The following ETV6 variants were observed in gnomAD, a reference collection of about 807,000 sequenced individuals.
ETV6 encodes ETS variant transcription factor 6.
ETV6 carries 16 observed loss-of-function variants against 51.1 expected under a neutral mutation model. The ratio of observed to expected loss-of-function variants is 0.31; its 90% confidence interval spans 0.21 to 0.48. The LOEUF (loss-of-function observed/expected upper bound fraction) is 0.48. Among genes scored for constraint, ETV6 ranks in the 20% least tolerant of loss-of-function variants. The pLI is 0.99. For synonymous variants in ETV6, 240 were observed against 224.1 expected, an observed-to-expected ratio of 1.07 and a Z score of -0.64; for missense variants, 458 against 594.8, an observed-to-expected ratio of 0.77 and a Z score of 2.39.
At chr12:11,768,996 T>G (rs374274147) in intron 2 of ETV6, 4 of 468,806 alleles carry the variant, frequency 8.5e-6, no homozygotes, top group African/African-American at 7.9e-5. Context: ...ACCCGTAGGC[T>G]CAGTGCTAGT....
chr12:11,842,188 G>A (rs1591712842), intron 3 of ETV6, among the ~76,000 whole-genome samples: 1 of 151,946 alleles, frequency 6.6e-6, no homozygotes. Context: ...AAACATGGTC[G>A]AACATCACTC....
At chr12:11,790,693 T>A (rs1191873876) in intron 2 of ETV6, among the ~76,000 whole-genome samples, 1 of 151,064 alleles carries the variant, frequency 6.6e-6, no homozygotes, top group Non-Finnish European at 1.5e-5. Context: ...TTTTTTTTTT[T>A]TTTTTTGAGA....
chr12:11,753,830 G>A (rs926452937), intron 2 of ETV6, among the ~76,000 whole-genome samples: 21 of 152,206 alleles, frequency 1.4e-4, no homozygotes, highest in African/African-American at 2.2e-4. Flanking sequence ...AGCTTGCTGC[G>A]TCCATCAGTA....
rs192784049 is a variant in ETV6 at position 11,803,147 on chromosome 12, C to T, written c.164-35993C>T. ...CAGTCCCAACTCTCCAAATTTCTGC[C>T]CCAGCTTGGTGCTCTTTGCTTTGTT... On this transcript the variant is annotated intron_variant, in intron 2 of 7. Transcript: ENST00000396373. 2.6e-3 allele frequency among the ~76,000 whole-genome samples: 399 copies of T among 152,258 alleles called. 2 individuals carry two copies. Among genetic ancestry groups the T allele is most frequent in the Admixed American group, 7.7e-3 (118 of 15,302 alleles).
chr12:11,725,404 G>T (rs1865469889), intron 1 of ETV6, among the ~76,000 whole-genome samples: 2 of 152,090 alleles, frequency 1.3e-5, no homozygotes, highest in Non-Finnish European at 2.9e-5. Context: ...AGACCAGGTT[G>T]GAGTTCCCTT....
intron 2 of ETV6, among the ~76,000 whole-genome samples, chr12:11,782,980 G>A (rs1232674683): frequency 6.6e-6 from 1 of 152,166 alleles, no homozygotes; most frequent in Non-Finnish European, 1.5e-5. Context: ...GAAGGGATGT[G>A]TGTTCAGAAG....
intron 3 of ETV6, among the ~76,000 whole-genome samples, chr12:11,841,728 A>G (rs1313601292): frequency 6.6e-6 from 1 of 152,198 alleles, no homozygotes; most frequent in Non-Finnish European, 1.5e-5. Context: ...AGACAAGGTA[A>G]TGGAGCCTGA....
At chr12:11,714,946 A>G (rs1437466289) in intron 1 of ETV6, among the ~76,000 whole-genome samples, 1 of 152,180 alleles carries the variant, frequency 6.6e-6, no homozygotes, top group Non-Finnish European at 1.5e-5. Flanking sequence ...GGTGGATTGG[A>G]GAAGGAAGAC....
At chr12:11,714,509 G>T (rs1488075309) in intron 1 of ETV6, among the ~76,000 whole-genome samples, 1 of 152,148 alleles carries the variant, frequency 6.6e-6, no homozygotes, top group African/African-American at 2.4e-5. Flanking sequence ...AAATAATTCA[G>T]TATGACTTTA....
rs992909692 is a variant in ETV6, at chr12:11,894,635, T to C, written c.*3589T>C. ...TCGCTTTAGCTGAAATTCAAATGGCTGTGACAATTTACCGAAATGATGAAG... is the reference window on the plus strand; with the variant it reads ...TCGCTTTAGCTGAAATTCAAATGGCCGTGACAATTTACCGAAATGATGAAG... On this transcript the variant is annotated 3_prime_UTR_variant, in exon 8 of 8. Transcript: ENST00000396373. 6 of 233,200 alleles carry C rather than the reference T, an allele frequency of 2.6e-5. No homozygotes were observed. The Admixed American group carries it at 3.4e-4, about 13-fold the overall frequency. 14.4% of individuals were successfully genotyped at this position (233,200 alleles called of 1,614,324 possible). A position where few individuals can be genotyped will look rare whatever the true frequency, so the allele number is the denominator to read the frequency against.
chr12:11,756,198 A>G (rs1302916344), intron 2 of ETV6, among the ~76,000 whole-genome samples: 1 of 152,196 alleles, frequency 6.6e-6, no homozygotes, highest in East Asian at 1.9e-4. Context: ...AAGGACTGGC[A>G]AAGAAGCCTG....
chr12:11,711,753 A>G (rs766297938), intron 1 of ETV6, among the ~76,000 whole-genome samples: 56 of 152,204 alleles, frequency 3.7e-4, no homozygotes, highest in Non-Finnish European at 4.4e-4. Flanking sequence ...GGTATAGAGG[A>G]ATATTCGTCT....
At chr12:11,819,969 G>C (rs963696666) in intron 2 of ETV6, among the ~76,000 whole-genome samples, 1 of 152,060 alleles carries the variant, frequency 6.6e-6, no homozygotes, top group Middle Eastern at 3.2e-3. Context: ...GAACTCCTTA[G>C]TACAGCAGAC....
At chr12:11,853,032 C>G (rs1215674203) in intron 3 of ETV6, among the ~76,000 whole-genome samples, 3 of 152,062 alleles carry the variant, frequency 2.0e-5, no homozygotes, top group African/African-American at 7.3e-5. Flanking sequence ...ACTGAAAATA[C>G]AAAAATCAGC....
chr12:11,656,259 G>C (rs1232915761), intron 1 of ETV6, among the ~76,000 whole-genome samples: 1 of 152,236 alleles, frequency 6.6e-6, no homozygotes, highest in Non-Finnish European at 1.5e-5. Context: ...CTCGCAGGCT[G>C]TAAGTGGCAA....
At chr12:11,758,309 C>CA (rs1945035481) in intron 2 of ETV6, among the ~76,000 whole-genome samples, 1 of 152,174 alleles carries the variant, frequency 6.6e-6, no homozygotes, top group Non-Finnish European at 1.5e-5. Context: ...GCCTGGCCTG[C>CA]AGTGGCCAGG....
intron 3 of ETV6, among the ~76,000 whole-genome samples, chr12:11,848,012 G>A (rs1946489440): frequency 6.6e-6 from 1 of 152,232 alleles, no homozygotes; most frequent in Non-Finnish European, 1.5e-5. Flanking sequence ...CCATATGAAT[G>A]TGACTTTGTA....
intron 1 of ETV6, among the ~76,000 whole-genome samples, chr12:11,735,254 G>A (rs999829732): frequency 2.0e-5 from 3 of 152,074 alleles, no homozygotes; most frequent in Non-Finnish European, 4.4e-5. Flanking sequence ...TCTGCTGAAA[G>A]TACCTCCCAG....
At chr12:11,758,286 CACCTGGCATAGT>C (rs1337353900) in intron 2 of ETV6, among the ~76,000 whole-genome samples, 1 of 152,146 alleles carries the variant, frequency 6.6e-6, no homozygotes, top group African/African-American at 2.4e-5. Flanking sequence ...TTATGTATAG[CACCTGGCATAGT>C]GCCTGGCCTG....
Sources: gnomAD v4.1 joint callset for allele counts (sites outside exome capture counted in the v4.1 genomes callset) on GRCh38, gnomAD v4.1.1 for gene constraint, MANE v1.5 for transcripts, NCBI Gene and HGNC (gene_info 2026-07-23, HGNC 2026-07-21) for gene names.